The following NUP210 variants were observed in gnomAD, a reference collection of about 807,000 sequenced individuals.
NUP210 encodes nucleoporin 210.
NUP210 carries 151 observed loss-of-function variants against 196.0 expected under a neutral mutation model. That is an observed-to-expected ratio of 0.77 (90% CI 0.67 to 0.88). The LOEUF is 0.88. NUP210 is among the 40% of genes least tolerant of loss of function. The pLI, the probability that NUP210 is intolerant of heterozygous loss-of-function variation, is 0.00. For missense variants in NUP210, 2,314 were observed against 2,493.7 expected, an observed-to-expected ratio of 0.93 and a Z score of 1.53; for synonymous variants, 1,070 against 1,052.7, an observed-to-expected ratio of 1.02 and a Z score of -0.32.
At chr3:13,354,638 G>A (rs1698106510) in intron 16 of NUP210, 1 of 154,430 alleles carries the variant, frequency 6.5e-6, no homozygotes, top group South Asian at 2.0e-4. Context: ...GGCCCCACTA[G>A]TGGTTTCACA....
At chr3:13,327,879 G>A (rs571991543) in intron 31 of NUP210, among the ~76,000 whole-genome samples, 2 of 152,352 alleles carry the variant, frequency 1.3e-5, no homozygotes, top group Middle Eastern at 3.4e-3. Context: ...TCACGTGACC[G>A]TGACGCAGGC....
At chr3:13,399,537 C>T (rs1458712935) in intron 2 of NUP210, among the ~76,000 whole-genome samples, 188 bp downstream of exon 2, 2 of 152,148 alleles carry the variant, frequency 1.3e-5, no homozygotes, top group African/African-American at 2.4e-5. Flanking sequence ...GAACACGGTA[C>T]GAAGTGCTGG....
At chr3:13,324,211 C>CA (rs2124832450) in intron 33 of NUP210, among the ~76,000 whole-genome samples, 1 of 152,092 alleles carries the variant, frequency 6.6e-6, no homozygotes, top group South Asian at 2.1e-4. Flanking sequence ...AGCCTGGGAC[C>CA]CCCCAACGCT....
chr3:13,365,717 C>A (rs1476844892), intron 14 of NUP210, among the ~76,000 whole-genome samples: 1 of 152,224 alleles, frequency 6.6e-6, no homozygotes, highest in Non-Finnish European at 1.5e-5. Context: ...GCCTGCCAAG[C>A]GCTGTCTCGC....
intron 13 of NUP210, among the ~76,000 whole-genome samples, chr3:13,369,331 C>T (rs1698647016): frequency 6.6e-6 from 1 of 152,128 alleles, no homozygotes; most frequent in African/African-American, 2.4e-5. Flanking sequence ...GATATTAACC[C>T]CTTATACAAT....
chr3:13,371,315 C>T (rs537284031), intron 13 of NUP210, among the ~76,000 whole-genome samples: 1 of 152,304 alleles, frequency 6.6e-6, no homozygotes, highest in South Asian at 2.1e-4. Flanking sequence ...GATCCTTCTC[C>T]TAGGGTGGTT....
At position 13,375,577 on chromosome 3, in the gene NUP210, G is replaced by C. The variant is rs186934027; in HGVS notation, c.1358C>G (p.Pro453Arg). The change falls in exon 11 of 40, where the codon CCG (proline) becomes CGG (arginine). Residue 453 changes from proline to arginine, a missense_variant. Transcript: ENST00000254508. The stretch of plus-strand genomic sequence containing the variant: ...CAAGATGCTGGGATACAGGGTGATC[G>C]GGATGTGAATTTCCACCTCCTGCTG... ...WNQQEVEIHI[P>R]ITLYPSILTF... The C allele has an allele frequency of 6.2e-7, 1 of 1,614,040 alleles. No individual in the cohort carries two copies. The highest frequency in any genetic ancestry group is 8.5e-7 in the Non-Finnish European group (1 of 1,179,970).
rs149041314 is a variant in NUP210 at position 13,379,616 on chromosome 3, G to A, written c.923C>T (p.Ser308Leu). 4.4e-4 allele frequency: 704 copies of A among 1,614,058 alleles called. 1 individual carries two copies. Among genetic ancestry groups the A allele is most frequent in the Non-Finnish European group, 5.8e-4 (680 of 1,180,014 alleles). ...TCCCAGCTGCAGTGCAGTGACCATC[G>A]ACGTGTCCTGGGCCAAGACAGCCAC... is the stretch of plus-strand genomic sequence containing the variant. ...RPVAVLAQDT[S>L]MVTALQLGQS... The change falls in exon 7 of 40, where the codon TCG becomes TTG. Residue 308 changes from serine to leucine, a missense_variant. Coordinates refer to ENST00000254508, the MANE Select transcript of NUP210 (RefSeq NM_024923.4). This position sits in a 1 kb window ranked among gnomAD's most constrained non-coding sequence, Gnocchi z 4.2.
At chr3:13,378,115 G>T (rs1698981412) in intron 8 of NUP210, among the ~76,000 whole-genome samples, 1 of 152,036 alleles carries the variant, frequency 6.6e-6, no homozygotes, top group South Asian at 2.1e-4. Context: ...GTCCTCAGTG[G>T]GTCTACACTC....
chr3:13,369,380 ACT>A (rs991452962), intron 13 of NUP210, among the ~76,000 whole-genome samples: 2 of 151,750 alleles, frequency 1.3e-5, no homozygotes, highest in African/African-American at 4.8e-5. Context: ...TTGCCTTTGT[ACT>A]CTGTGGTGTC....
In NUP210 at chr3:13,350,753, G is replaced by T. The variant is rs1428859363; in HGVS notation, c.2835+1126C>A. Among the ~76,000 whole-genome samples, 1 of 150,500 alleles carries T rather than the reference G, an allele frequency of 6.6e-6. No individual in the cohort carries two copies. The highest frequency in any genetic ancestry group is 1.5e-5 in the Non-Finnish European group (1 of 67,700). On this transcript the variant is annotated intron_variant, in intron 20 of 39. Transcript: ENST00000254508. The surrounding 1 kb of genome is among the most constrained non-coding windows in gnomAD (Gnocchi z 4.1). ...CCGTCGCCCAGGCTGGAGTGCAGTG[G>T]CGCAATCTTGGCTCACTGCAAGCTC... is the stretch of plus-strand genomic sequence containing the variant.
chr3:13,383,157 A>G (rs549330274), intron 6 of NUP210, among the ~76,000 whole-genome samples: 1 of 152,306 alleles, frequency 6.6e-6, no homozygotes, highest in African/African-American at 2.4e-5. Context: ...AAAAACCCCA[A>G]AATAATTCAT....
chr3:13,322,071 T>A, intron 35 of NUP210, 122 bp downstream of exon 35: 1 of 1,295,022 alleles, frequency 7.7e-7, no homozygotes, highest in Non-Finnish European at 1.1e-6. Context: ...CAGGCTGGGC[T>A]CCTGACAATC....
intron 1 of NUP210, among the ~76,000 whole-genome samples, chr3:13,414,081 G>A (rs1259901321): frequency 2.0e-5 from 3 of 152,226 alleles, no homozygotes; most frequent in Non-Finnish European, 4.4e-5. Context: ...ACAGGAACAG[G>A]AGGCAGGCAG....
rs986687444 is a variant in NUP210, at chr3:13,337,491, C to G, written c.3552+346G>C. Among the ~76,000 whole-genome samples the G allele has an allele frequency of 1.6e-4, 25 of 152,338 alleles. 3 individuals carry two copies. The highest frequency in any genetic ancestry group is 8.5e-4 in the Admixed American group (13 of 15,298). On this transcript the variant is annotated intron_variant, in intron 26 of 39. Coordinates refer to ENST00000254508, the MANE Select transcript of NUP210 (RefSeq NM_024923.4). ...TGTGTTCATTTGCTCATCTGCGACA[C>G]GAAGATGGTTCTGACACCAGCCTCC...
At chr3:13,391,141 G>A (rs1211336052) in intron 4 of NUP210, 70 bp downstream of exon 4, 3 of 1,068,590 alleles carry the variant, frequency 2.8e-6, no homozygotes, top group Non-Finnish European at 4.3e-6. Context: ...CCCCGCTGGT[G>A]AGGAGCTCAC....
chr3:13,341,849 TG>T lies in NUP210; in HGVS notation c.3126del (p.Thr1043HisfsTer14), dbSNP rs1247898327. ...ATGGCCACACCGCGGATGAGGAATG[TG>T]ATGGTGTAGTTGTCAAGGGCTTCAT... The part of the protein sequence containing the change: ...ALDEALDNYT[I>X]TFLIRGVAIG... On this transcript the variant is annotated frameshift_variant, in exon 23 of 40. Transcript: ENST00000254508. LOFTEE classifies it high-confidence loss of function. 6.2e-7 allele frequency: 1 copy of T among 1,614,020 alleles called. No homozygotes were observed. Among genetic ancestry groups the T allele is most frequent in the East Asian group, 2.2e-5 (1 of 44,892 alleles).
chr3:13,325,907 G>A lies in NUP210; in HGVS notation c.4532C>T (p.Ser1511Leu), dbSNP rs1286027137. Residue 1511 changes from serine (S) to leucine (L), a missense_variant, in exon 33 of 40, where the codon TCG (serine) becomes TTG (leucine). Physicochemically the swap from Ser to Leu is moderately radical, Grantham distance 145. Coordinates refer to ENST00000254508, the MANE Select transcript of NUP210 (RefSeq NM_024923.4). ...LEGLSGTWSS[S>L]ANSILHIDPK... ...GTCGATGTGGAGGATGCTGTTGGCCGAGGAGCTCCAGGTTCCTGAGAGGCC... is the reference window on the plus strand; with the variant it reads ...GTCGATGTGGAGGATGCTGTTGGCCAAGGAGCTCCAGGTTCCTGAGAGGCC... 4.3e-6 allele frequency: 7 copies of A among 1,613,910 alleles called. No homozygotes were observed. Among genetic ancestry groups the A allele is most frequent in the Admixed American group, 1.7e-5 (1 of 60,006 alleles).
Position 13,379,864 on chromosome 3 carries a change from G to T in NUP210, c.818-143C>A. Reference sequence around the variant, plus strand: ...ACGCATTTTCTTAATTGTTTTCAGTGCTTTAAATGTTAATATTGTTCTGCA... The same window carrying T: ...ACGCATTTTCTTAATTGTTTTCAGTTCTTTAAATGTTAATATTGTTCTGCA... On this transcript the variant is annotated intron_variant, in intron 6 of 39. Transcript: ENST00000254508. The surrounding 1 kb of genome is among the most constrained non-coding windows in gnomAD (Gnocchi z 4.2). 1 of 637,862 alleles carries T rather than the reference G, an allele frequency of 1.6e-6. No homozygotes were observed. Among genetic ancestry groups the T allele is most frequent in the Non-Finnish European group, 2.5e-6 (1 of 397,606 alleles). 39.5% of individuals were successfully genotyped at this position (637,862 alleles called of 1,614,324 possible).
Sources: gnomAD v4.1 joint callset for allele counts (sites outside exome capture counted in the v4.1 genomes callset) on GRCh38, gnomAD v4.1.1 for gene constraint, Gnocchi (gnomAD v3.1) non-coding constraint, MANE v1.5 for transcripts, NCBI Gene and HGNC (gene_info 2026-07-23, HGNC 2026-07-21) for gene names.